The following DFFA variants were observed in gnomAD, a reference collection of about 807,000 sequenced individuals.
DFFA encodes DFF45.
In DFFA, 14 loss-of-function variants were observed where a neutral mutation model predicts 28.0. The observed-to-expected ratio is 0.50, with a 90% CI of 0.33 to 0.78. The LOEUF is 0.78. Among genes scored for constraint, DFFA ranks in the 30% least tolerant of loss-of-function variants. The probability of loss-of-function intolerance (pLI) is 0.02; values close to 1 mark genes in which losing one functional copy is unlikely to be tolerated. For missense variants in DFFA, 395 were observed against 407.1 expected (o/e 0.97, Z 0.26); for synonymous variants, 158 against 170.3 (o/e 0.93, Z 0.56).
At chr1:10,470,563 T>G (rs1641083135) in intron 1 of DFFA, among the ~76,000 whole-genome samples, 1 of 151,030 alleles carries the variant, frequency 6.6e-6, no homozygotes, top group East Asian at 2.0e-4. Flanking sequence ...TAGCTGGGAT[T>G]ACAGGCGCCC....
chr1:10,469,398 C>A, intron 1 of DFFA, 60 bp from the exon 2 acceptor site: 1 of 1,507,018 alleles, frequency 6.6e-7, no homozygotes, highest in Non-Finnish European at 9.1e-7. Context: ...ACATCTATCC[C>A]TGCATCTCAA....
At chr1:10,462,516 A>AACCCTCGTCACGAAGCAGAAT (rs1640962717) in intron 5 of DFFA, 1 of 989,890 alleles carries the variant, frequency 1.0e-6, no homozygotes, top group African/African-American at 1.7e-5. Flanking sequence ...CTCCACCTTC[A>AACCCTCGTCACGAAGCAGAAT]GGAAATTTAG....
At chr1:10,469,074 A>G (rs1641058552) in intron 2 of DFFA, 103 bp downstream of exon 2, 2 of 1,239,188 alleles carry the variant, frequency 1.6e-6, no homozygotes, top group Non-Finnish European at 2.3e-6. Flanking sequence ...TGTTGAACAA[A>G]TGCTTAAAAA....
chr1:10,464,943 AG>A (rs1472011494), intron 3 of DFFA, among the ~76,000 whole-genome samples: 2 of 152,168 alleles, frequency 1.3e-5, no homozygotes, highest in Non-Finnish European at 2.9e-5. Context: ...TGACAGGCAC[AG>A]GATGGGGCTC....
intron 1 of DFFA, among the ~76,000 whole-genome samples, chr1:10,469,918 G>A (rs1167140728): frequency 6.6e-6 from 1 of 150,906 alleles, no homozygotes; most frequent in African/African-American, 2.4e-5. Flanking sequence ...CCGGGTTCAA[G>A]CAACTCTCTG....
chr1:10,461,723 CCT>C, intron 5 of DFFA, 21 bp from the exon 6 acceptor site: 1 of 1,613,258 alleles, frequency 6.2e-7, no homozygotes, highest in South Asian at 1.1e-5. Flanking sequence ...AATAAAAACC[CCT>C]GAGAACTGGG....
chr1:10,462,492 G>A, intron 5 of DFFA: 2 of 988,234 alleles, frequency 2.0e-6, no homozygotes, highest in Non-Finnish European at 2.4e-6. Flanking sequence ...TTTACTTGGA[G>A]CAACTCTAAG....
At position 10,458,110 on chromosome 1, in the gene DFFA, AG is replaced by A. The variant is rs1640884105; in HGVS notation, c.*3379del. 1.3e-5 allele frequency: 2 copies of A among 152,332 alleles called. No homozygotes were observed. The highest frequency in any genetic ancestry group is 2.9e-5 in the Non-Finnish European group (2 of 68,030). The allele number at this position is 152,332 out of a possible 1,614,324, so 9.4% of individuals were successfully genotyped here. A position where few individuals can be genotyped will look rare whatever the true frequency, so the allele number is the denominator to read the frequency against. ...ACTGTTCTGGGAAATCCCATTTCCA[AG>A]GGCAACGCTGCTGACGGTGTTTGAG... On this transcript the variant is annotated 3_prime_UTR_variant, in exon 6 of 6. Coordinates refer to ENST00000377038, the MANE Select transcript of DFFA (RefSeq NM_004401.3).
At chr1:10,467,696 A>C (rs574017325) in intron 2 of DFFA, among the ~76,000 whole-genome samples, 15 of 152,166 alleles carry the variant, frequency 9.9e-5, no homozygotes, top group Non-Finnish European at 2.2e-4. Flanking sequence ...TTTTTAGTAG[A>C]GACGGGCTTT....
At chr1:10,462,936 A>C in intron 5 of DFFA, 122 bp downstream of exon 5, 3 of 1,514,944 alleles carry the variant, frequency 2.0e-6, no homozygotes, top group Non-Finnish European at 2.7e-6. Flanking sequence ...TAATAGGCAA[A>C]CTGGCAGCTA....
rs376466803 is a variant in DFFA, at chr1:10,463,181, C to T, written c.660G>A (p.Val220=). 3.7e-6 allele frequency: 6 copies of T among 1,614,090 alleles called. No homozygotes were observed. The African/African-American group carries it at 5.3e-5, about 14-fold the overall frequency. ...EESKAAFGEE[V]DAVDTGISRE... Reference sequence around the variant, plus strand: ...TGCTGATACCCGTGTCTACTGCATCCACCTCCTCACCAAAGGCAGCTTTGG... The same window carrying T: ...TGCTGATACCCGTGTCTACTGCATCTACCTCCTCACCAAAGGCAGCTTTGG... Residue 220 remains valine (V), a synonymous_variant, in exon 5 of 6, where the codon GTG becomes GTA. Transcript: ENST00000377038.
chr1:10,472,386 G>A lies in DFFA; in HGVS notation c.73C>T (p.Arg25Cys), dbSNP rs1192918909. The A allele has an allele frequency of 6.2e-7, 1 of 1,612,436 alleles. No homozygotes were observed. The highest frequency in any genetic ancestry group is 1.1e-5 in the South Asian group (1 of 90,826). Residue 25 changes from arginine to cysteine, a missense_variant, in exon 1 of 6, where the codon CGC becomes TGC. Transcript: ENST00000377038. This position sits in a 1 kb window ranked among gnomAD's most constrained non-coding sequence, Gnocchi z 5.0. ...CCGTGCTGTTCGCGGCTGTAGTTGC[G>A]GCGCAGCAGACACGGCTTTAGAGTC... is the stretch of plus-strand genomic sequence containing the variant. ...IRTLKPCLLR[R>C]NYSREQHGVA...
In DFFA at chr1:10,459,716, A is replaced by C. The variant is rs1284750388; in HGVS notation, c.*1774T>G. The C allele has an allele frequency of 6.7e-6, 1 of 149,468 alleles. No homozygotes were observed. Among genetic ancestry groups the C allele is most frequent in the Non-Finnish European group, 1.5e-5 (1 of 67,572 alleles). 9.3% of individuals were successfully genotyped at this position (149,468 alleles called of 1,614,324 possible). Reference sequence around the variant, plus strand: ...CGACCATTTCTTTTCATTGCCCTTGATGGTTACCTTTTTAAAAAAAAAAAA... The same window carrying C: ...CGACCATTTCTTTTCATTGCCCTTGCTGGTTACCTTTTTAAAAAAAAAAAA... On this transcript the variant is annotated 3_prime_UTR_variant, in exon 6 of 6. Transcript: ENST00000377038.
intron 5 of DFFA, chr1:10,462,391 C>T: frequency 3.0e-6 from 3 of 984,864 alleles, no homozygotes; most frequent in Non-Finnish European, 3.6e-6. Flanking sequence ...CTCGGCCTCC[C>T]AAAGTACTGG....
In DFFA at chr1:10,457,364, C is replaced by CGG. The variant is rs1553179415; in HGVS notation, c.*4125_*4126insCC. 3.3e-5 allele frequency: 5 copies of CGG among 152,118 alleles called. No individual in the cohort carries two copies. The highest frequency in any genetic ancestry group is 1.9e-4 in the East Asian group (1 of 5,176). 9.4% of individuals were successfully genotyped at this position (152,118 alleles called of 1,614,324 possible). ...GTCTTGCTATGTTCCCCAGGTCGGT[C>CGG]TGTCGGTCATGTGGTACTTCATTTA... On this transcript the variant is annotated 3_prime_UTR_variant, in exon 6 of 6. Coordinates refer to ENST00000377038, the MANE Select transcript of DFFA (RefSeq NM_004401.3).
Position 10,456,594 on chromosome 1 carries a change from GTTTTC to G in DFFA, c.*4891_*4895del, listed in dbSNP as rs1640865819. 1.3e-5 allele frequency: 2 copies of G among 151,232 alleles called. No individual in the cohort carries two copies. Among genetic ancestry groups the G allele is most frequent in the South Asian group, 2.1e-4 (1 of 4,796 alleles). The allele number at this position is 151,232 out of a possible 1,614,324, so 9.4% of individuals were successfully genotyped here. A position where few individuals can be genotyped will look rare whatever the true frequency, so the allele number is the denominator to read the frequency against. ...TTAATAATTCTTGTAATTGATGCAG[GTTTTC>G]TTTTTTCTACAGACTACTATTATTT... is the stretch of plus-strand genomic sequence containing the variant. On this transcript the variant is annotated 3_prime_UTR_variant, in exon 6 of 6. Coordinates refer to ENST00000377038, the MANE Select transcript of DFFA (RefSeq NM_004401.3).
chr1:10,461,492 A>G lies in DFFA; in HGVS notation c.994T>C (p.Ter332GlnextTer17). 6.2e-7 allele frequency: 1 copy of G among 1,613,574 alleles called. No individual in the cohort carries two copies. Among genetic ancestry groups the G allele is most frequent in the Non-Finnish European group, 8.5e-7 (1 of 1,179,742 alleles). The change falls in exon 6 of 6, where the codon TAG becomes CAG. Residue 332 changes from the stop codon to glutamine, a stop_lost. Coordinates refer to ENST00000377038, the MANE Select transcript of DFFA (RefSeq NM_004401.3). ...NPKRARQDPT[*>Q] ...CCTTGGCACACTTCCCGCTGCTGCTATGTGGGATCCTGTCTGGCTCGCTTA... is the reference window on the plus strand; with the variant it reads ...CCTTGGCACACTTCCCGCTGCTGCTGTGTGGGATCCTGTCTGGCTCGCTTA...
At chr1:10,465,368 T>A (rs1641006547) in intron 3 of DFFA, among the ~76,000 whole-genome samples, 1 of 152,000 alleles carries the variant, frequency 6.6e-6, no homozygotes, top group Non-Finnish European at 1.5e-5. Context: ...CCAGGTCAAG[T>A]GATTCTCCTG....
chr1:10,462,810 C>T, intron 5 of DFFA: 1 of 1,357,618 alleles, frequency 7.4e-7, no homozygotes, highest in Non-Finnish European at 9.5e-7. Flanking sequence ...CAGGAACAGT[C>T]ATTTCATTAC....
Sources: allele counts gnomAD v4.1 joint callset (sites outside exome capture counted in the v4.1 genomes callset), GRCh38; gene constraint gnomAD v4.1.1; non-coding constraint Gnocchi (gnomAD v3.1); transcripts MANE v1.5; gene names NCBI Gene and HGNC (gene_info 2026-07-23, HGNC 2026-07-21).